The following FOXP1 variants were observed in gnomAD, a reference collection of about 807,000 sequenced individuals.
FOXP1 encodes forkhead box P1, also known as forkhead box protein P1.
In FOXP1, 15 loss-of-function variants were observed where a neutral mutation model predicts 98.2. The ratio of observed to expected loss-of-function variants is 0.15; its 90% CI spans 0.10 to 0.24. The LOEUF (loss-of-function observed/expected upper bound fraction) is 0.24. Among genes scored for constraint, FOXP1 ranks in the 10% least tolerant of loss-of-function variants. The pLI is 1.00. For missense variants in FOXP1, 633 were observed against 848.5 expected (o/e 0.75, Z 3.15); for synonymous variants, 371 against 314.5 (o/e 1.18, Z -1.90).
At chr3:71,547,054 TAACAC>T (rs2045419906) in intron 2 of FOXP1, among the ~76,000 whole-genome samples, 1 of 152,224 alleles carries the variant, frequency 6.6e-6, no homozygotes, top group Non-Finnish European at 1.5e-5. Flanking sequence ...GGCTGAATTC[TAACAC>T]AACTGTCACT....
intron 7 of FOXP1, among the ~76,000 whole-genome samples, chr3:71,072,743 C>T (rs1450172684): frequency 1.3e-5 from 2 of 152,170 alleles, no homozygotes; most frequent in South Asian, 2.1e-4. Flanking sequence ...TCCAACCCAG[C>T]CTCCCAAACC....
At position 71,452,182 on chromosome 3, in the gene FOXP1, T is replaced by G. The variant is rs566886429; in HGVS notation, c.-168+41244A>C. On this transcript the variant is annotated intron_variant, in intron 3 of 20. Coordinates refer to ENST00000649528, the MANE Select transcript of FOXP1 (RefSeq NM_001349338.3). The stretch of plus-strand genomic sequence containing the variant: ...TATATCCATTTCTAATACCTACCAC[T>G]CTGCATCTTTGGAAACAATATCATC... Among the ~76,000 whole-genome samples, 6 of 152,236 alleles carry G rather than the reference T, an allele frequency of 3.9e-5. No individual in the cohort carries two copies. In the South Asian group the frequency reaches 1.0e-3, roughly 26 times the overall value.
chr3:71,019,859 A>G (rs1576213089), intron 11 of FOXP1, among the ~76,000 whole-genome samples: 1 of 151,960 alleles, frequency 6.6e-6, no homozygotes, highest in Middle Eastern at 3.4e-3. Context: ...AACAAAACAA[A>G]ACAAAACAAA....
intron 5 of FOXP1, among the ~76,000 whole-genome samples, chr3:71,227,274 C>T (rs1334482876): frequency 3.9e-5 from 6 of 152,098 alleles, no homozygotes; most frequent in East Asian, 1.9e-4. Flanking sequence ...ACACAAATAG[C>T]GTTTACGTGA....
intron 12 of FOXP1, among the ~76,000 whole-genome samples, chr3:71,010,958 G>C (rs1373959407): frequency 6.6e-6 from 1 of 150,884 alleles, no homozygotes; most frequent in East Asian, 2.0e-4. Flanking sequence ...AAGTCAATTT[G>C]ATTTCCCTTT....
chr3:71,383,303 C>G (rs1339720699), intron 3 of FOXP1, among the ~76,000 whole-genome samples: 2 of 152,082 alleles, frequency 1.3e-5, no homozygotes, highest in East Asian at 3.9e-4. Flanking sequence ...AGAGAAGACT[C>G]GATTAAAGAA....
At chr3:71,344,993 A>G (rs2077237481) in intron 4 of FOXP1, among the ~76,000 whole-genome samples, 1 of 152,226 alleles carries the variant, frequency 6.6e-6, no homozygotes, top group African/African-American at 2.4e-5. Context: ...GCATATATCA[A>G]CTAACTAGTT....
chr3:71,426,339 T>G (rs2084150626), intron 3 of FOXP1, among the ~76,000 whole-genome samples: 1 of 152,186 alleles, frequency 6.6e-6, no homozygotes, highest in Non-Finnish European at 1.5e-5. Context: ...GAGTCTCTCC[T>G]TGCGAAGATG....
rs146376449 is a variant in FOXP1, at chr3:71,006,824, T to C, written c.975-5765A>G. On this transcript the variant is annotated intron_variant, in intron 12 of 20. Coordinates refer to ENST00000649528, the MANE Select transcript of FOXP1 (RefSeq NM_001349338.3). ...GCATAAGTAGACATTCAAAAAATTT[T>C]CCAATGTTTTCAAAGCCTACAAGAA... 3.5e-3 allele frequency among the ~76,000 whole-genome samples: 534 copies of C among 152,276 alleles called. 2 individuals carry two copies. The highest frequency in any genetic ancestry group is 0.012 in the African/African-American group (518 of 41,558).
chr3:71,403,497 C>T (rs753467131), intron 3 of FOXP1, among the ~76,000 whole-genome samples: 38 of 152,290 alleles, frequency 2.5e-4, no homozygotes, highest in Middle Eastern at 3.4e-3. Context: ...TGTGTGTGCG[C>T]GTGCATGCAC....
intron 3 of FOXP1, among the ~76,000 whole-genome samples, chr3:71,469,138 T>C (rs1484155315): frequency 6.6e-6 from 1 of 152,244 alleles, no homozygotes; most frequent in Non-Finnish European, 1.5e-5. Context: ...TGCAAATTTA[T>C]TCTGCATGTG....
intron 7 of FOXP1, among the ~76,000 whole-genome samples, chr3:71,092,823 G>A (rs572863028): frequency 1.3e-5 from 2 of 151,982 alleles, no homozygotes; most frequent in South Asian, 2.1e-4. Flanking sequence ...GTCTTACACT[G>A]GTAGCAATAC....
intron 10 of FOXP1, 36 bp from the exon 11 acceptor site, chr3:71,041,568 C>G (rs1263392294): frequency 4.5e-6 from 7 of 1,570,096 alleles, no homozygotes; most frequent in Non-Finnish European, 6.1e-6. Flanking sequence ...AATCAATTAA[C>G]AGCTAATTCC....
At chr3:71,092,877 A>C (rs905109976) in intron 7 of FOXP1, among the ~76,000 whole-genome samples, 4 of 152,230 alleles carry the variant, frequency 2.6e-5, no homozygotes, top group Non-Finnish European at 5.9e-5. Context: ...AGAGTTGCAC[A>C]GATATACTTT....
intron 2 of FOXP1, among the ~76,000 whole-genome samples, chr3:71,530,015 G>T (rs550298677): frequency 1.7e-4 from 26 of 152,262 alleles, no homozygotes; most frequent in Admixed American, 2.0e-4. Context: ...GCAGTCTAGT[G>T]GGGCCGAGCC....
intron 13 of FOXP1, among the ~76,000 whole-genome samples, chr3:70,989,860 A>G (rs755049582): frequency 6.6e-6 from 1 of 152,208 alleles, no homozygotes; most frequent in Non-Finnish European, 1.5e-5. Context: ...GTGTGGTATA[A>G]GGAAAATCCA....
At chr3:71,129,563 T>C (rs2059439411) in intron 6 of FOXP1, among the ~76,000 whole-genome samples, 1 of 152,134 alleles carries the variant, frequency 6.6e-6, no homozygotes, top group African/African-American at 2.4e-5. Flanking sequence ...CCATTTCCTG[T>C]CTATTCCCTG....
At chr3:71,289,201 G>A (rs1733512) in intron 5 of FOXP1, among the ~76,000 whole-genome samples, 7 of 151,802 alleles carry the variant, frequency 4.6e-5, no homozygotes, top group Non-Finnish European at 7.4e-5. Flanking sequence ...CCACCATGCC[G>A]AGCTAGTTTT....
intron 3 of FOXP1, among the ~76,000 whole-genome samples, chr3:71,417,868 G>A (rs1479945367): frequency 6.6e-6 from 1 of 151,940 alleles, no homozygotes; most frequent in African/African-American, 2.4e-5. Context: ...ACAGATCGAG[G>A]ACACCAGCAG....
Sources: gnomAD v4.1 joint callset for allele counts (sites outside exome capture counted in the v4.1 genomes callset) on GRCh38, gnomAD v4.1.1 for gene constraint, MANE v1.5 for transcripts, NCBI Gene and HGNC (gene_info 2026-07-23, HGNC 2026-07-21) for gene names.